OLFML2B: variants seen among roughly 807,000 people sequenced by gnomAD.
OLFML2B encodes olfactomedin-like protein 2B.
Under a neutral mutation model 74.9 loss-of-function variants are expected in OLFML2B, and 57 were observed. That is an observed-to-expected ratio of 0.76 (90% CI 0.61 to 0.95). The LOEUF is 0.95. OLFML2B is among the 40% of genes least tolerant of loss of function. The pLI is 0.00. For missense variants in OLFML2B, 986 were observed against 970.6 expected, an observed-to-expected ratio of 1.02 and a Z score of -0.21; for synonymous variants, 388 against 405.8, an observed-to-expected ratio of 0.96 and a Z score of 0.53.
At chr1:161,996,801 T>G (rs1164538451) in intron 6 of OLFML2B, among the ~76,000 whole-genome samples, 1 of 152,236 alleles carries the variant, frequency 6.6e-6, no homozygotes, top group Non-Finnish European at 1.5e-5. Context: ...TTCTCCATGC[T>G]TCTGGAACAT....
chr1:162,019,072 T>C (rs1040325956), intron 2 of OLFML2B, among the ~76,000 whole-genome samples: 1 of 152,240 alleles, frequency 6.6e-6, no homozygotes, highest in African/African-American at 2.4e-5. Flanking sequence ...TGGTAAACAC[T>C]ACTCTGCTGA....
chr1:161,988,844 T>C (rs1168210242), intron 6 of OLFML2B, among the ~76,000 whole-genome samples: 1 of 152,116 alleles, frequency 6.6e-6, no homozygotes, highest in Non-Finnish European at 1.5e-5. Flanking sequence ...GATGTCCTCA[T>C]GGCTCCTCAA....
intron 3 of OLFML2B, among the ~76,000 whole-genome samples, chr1:162,008,168 C>T (rs945251137): frequency 1.3e-5 from 2 of 152,156 alleles, no homozygotes; most frequent in Non-Finnish European, 2.9e-5. Flanking sequence ...CTTCAGGTTC[C>T]CATCTGTAAA....
At chr1:162,014,469 T>C (rs1690476856) in intron 3 of OLFML2B, among the ~76,000 whole-genome samples, 2 of 152,186 alleles carry the variant, frequency 1.3e-5, no homozygotes, top group Non-Finnish European at 2.9e-5. Context: ...TTGATCTTAC[T>C]CTGGGCAAAA....
intron 3 of OLFML2B, among the ~76,000 whole-genome samples, chr1:162,009,851 C>A (rs934244611): frequency 6.6e-6 from 1 of 152,186 alleles, no homozygotes; most frequent in Non-Finnish European, 1.5e-5. Flanking sequence ...ACACCAAAGG[C>A]CTTTGGTGAG....
rs368981772 is a variant in OLFML2B, at chr1:162,017,350, G to A, written c.546+50C>T. On this transcript the variant is annotated intron_variant, in intron 3 of 7. Coordinates refer to ENST00000294794, the MANE Select transcript of OLFML2B (RefSeq NM_015441.3). ...AAATTTACTGTGGGACGTTTGATAT[G>A]CTTTTGGGCTCAATCAAGAAAAAGA... 2.1e-5 allele frequency: 29 copies of A among 1,407,158 alleles called. No homozygotes were observed. In the African/African-American group the frequency reaches 4.0e-4, roughly 19 times the overall value. The allele number at this position is 1,407,158 out of a possible 1,614,324, so 87.2% of individuals were successfully genotyped here. A position where few individuals can be genotyped will look rare whatever the true frequency, so the allele number is the denominator to read the frequency against.
intron 5 of OLFML2B, 49 bp from the exon 6 acceptor site, chr1:161,998,398 A>G (rs1356233015): frequency 2.0e-6 from 3 of 1,520,430 alleles, no homozygotes; most frequent in Non-Finnish European, 2.7e-6. Context: ...GAAACAACCT[A>G]CAGATGACAA....
intron 3 of OLFML2B, among the ~76,000 whole-genome samples, chr1:162,009,225 C>T (rs76117063): frequency 1.3e-5 from 2 of 152,190 alleles, no homozygotes; most frequent in Admixed American, 6.5e-5. Flanking sequence ...GACAGATGCA[C>T]GCACTGACTC....
At chr1:161,991,668 A>G (rs985406874) in intron 6 of OLFML2B, among the ~76,000 whole-genome samples, 3 of 152,234 alleles carry the variant, frequency 2.0e-5, no homozygotes, top group Non-Finnish European at 1.5e-5. Context: ...CCTGAGAGGC[A>G]GAGGTTGCAG....
chr1:162,019,729 C>T (rs1384666467), intron 2 of OLFML2B, among the ~76,000 whole-genome samples, 190 bp downstream of exon 2: 2 of 152,302 alleles, frequency 1.3e-5, no homozygotes, highest in East Asian at 3.9e-4. Context: ...TTGCTTTAAG[C>T]ATCTCCCTTA....
intron 3 of OLFML2B, among the ~76,000 whole-genome samples, chr1:162,014,236 A>C (rs976038099): frequency 6.6e-6 from 1 of 152,230 alleles, no homozygotes; most frequent in Non-Finnish European, 1.5e-5. Flanking sequence ...GTCGTTTTTC[A>C]GTATTTAAAA....
chr1:162,013,388 A>G (rs1013411714), intron 3 of OLFML2B, among the ~76,000 whole-genome samples: 1 of 152,176 alleles, frequency 6.6e-6, no homozygotes, highest in African/African-American at 2.4e-5. Context: ...AGTGAACTGG[A>G]AAGATATTTT....
chr1:161,995,560 C>G (rs1188384001), intron 6 of OLFML2B, among the ~76,000 whole-genome samples: 3 of 152,152 alleles, frequency 2.0e-5, no homozygotes, highest in African/African-American at 7.2e-5. Flanking sequence ...GAAAAGCCTG[C>G]TGATGGCAAA....
intron 6 of OLFML2B, among the ~76,000 whole-genome samples, chr1:161,995,098 G>T (rs1016574540): frequency 6.6e-6 from 1 of 152,200 alleles, no homozygotes; most frequent in East Asian, 1.9e-4. Flanking sequence ...GGTCTGCAGA[G>T]AATGTTAGGG....
At position 162,017,377 on chromosome 1, in the gene OLFML2B, A is replaced by C. The variant is rs200626266; in HGVS notation, c.546+23T>G. 20 of 1,580,272 alleles carry C rather than the reference A, an allele frequency of 1.3e-5. No homozygotes were observed. In the East Asian group the frequency reaches 4.0e-4, roughly 32 times the overall value. On this transcript the variant is annotated intron_variant, in intron 3 of 7. Coordinates refer to ENST00000294794, the MANE Select transcript of OLFML2B (RefSeq NM_015441.3). The stretch of plus-strand genomic sequence containing the variant: ...TTTTGGGCTCAATCAAGAAAAAGAT[A>C]TAGAAACCAGAATCTTCCTTACCTC...
chr1:162,020,332 G>T, intron 1 of OLFML2B, 150 bp from the exon 2 acceptor site: 1 of 845,664 alleles, frequency 1.2e-6, no homozygotes, highest in Non-Finnish European at 1.8e-6. Context: ...TCACTGAGAT[G>T]CAGTTTGCTG....
chr1:161,996,854 C>T (rs1021085863), intron 6 of OLFML2B, among the ~76,000 whole-genome samples: 3 of 152,198 alleles, frequency 2.0e-5, no homozygotes, highest in Non-Finnish European at 4.4e-5. Context: ...CTTCCCTTCT[C>T]TGCTTAGAAA....
rs1317936398 is a variant in OLFML2B at position 162,006,289 on chromosome 1, G to A, written c.723+8C>T. 1.3e-6 allele frequency: 2 copies of A among 1,568,054 alleles called. No individual in the cohort carries two copies. ...GTGATCAGAGGCCCTTGGAGGCTGG[G>A]GCTATACCTCTGGGTGGGCGTAGGC... On this transcript the variant is annotated splice_region_variant and intron_variant, in intron 4 of 7. Coordinates refer to ENST00000294794, the MANE Select transcript of OLFML2B (RefSeq NM_015441.3).
At position 161,998,068 on chromosome 1, in the gene OLFML2B, G is replaced by A; in HGVS notation, c.1231C>T (p.Gln411Ter). Residue 411 changes from glutamine (Q) to a stop codon, truncating the protein, a stop_gained, in exon 6 of 8, where the codon CAG becomes TAG. Transcript: ENST00000294794. LOFTEE classifies it high-confidence loss of function. Reference sequence around the variant, plus strand: ...GTGGCTGGTACCTGAGGAGAAGGCTGCAGGACTGACTCCCTTGTGGGATCT... The same window carrying A: ...GTGGCTGGTACCTGAGGAGAAGGCTACAGGACTGACTCCCTTGTGGGATCT... ...SPDPTRESVL[Q>*]PSPQVPATTV... is the part of the protein sequence containing the mutation. 2 of 1,614,008 alleles carry A rather than the reference G, an allele frequency of 1.2e-6. No individual in the cohort carries two copies. The highest frequency in any genetic ancestry group is 1.7e-6 in the Non-Finnish European group (2 of 1,180,018).
Sources: gnomAD v4.1 joint callset for allele counts (sites outside exome capture counted in the v4.1 genomes callset) on GRCh38, gnomAD v4.1.1 for gene constraint, MANE v1.5 for transcripts, NCBI Gene and HGNC (gene_info 2026-07-23, HGNC 2026-07-21) for gene names.